The following HSPA1B variants were observed in gnomAD, a reference collection of about 807,000 sequenced individuals.
HSPA1B encodes the protein heat shock 70 kDa protein 1B.
HSPA1B carries 7 observed loss-of-function variants against 9.0 expected under a neutral mutation model. The ratio of observed to expected loss-of-function variants is 0.78; its 90% CI spans 0.44 to 1.46. HSPA1B has a LOEUF of 1.46. Among genes scored for constraint, HSPA1B ranks in the 40% most tolerant of loss-of-function variants. The pLI is 0.01. For missense variants in HSPA1B, 199 were observed against 424.5 expected, an observed-to-expected ratio of 0.47 and a Z score of 4.67; for synonymous variants, 125 against 184.5, an observed-to-expected ratio of 0.68 and a Z score of 2.61.
In HSPA1B at chr6:31,830,088, A is replaced by C; in HGVS notation, c.*212A>C. On this transcript the variant is annotated 3_prime_UTR_variant, in exon 1 of 1. Coordinates refer to ENST00000375650, the MANE Select transcript of HSPA1B (RefSeq NM_005346.6). Reference sequence around the variant, plus strand: ...CTTTGCATTTAATGTTGATACTGTAAGGGTGTTTCGTTCCCTTTAAATGAA... The same window carrying C: ...CTTTGCATTTAATGTTGATACTGTACGGGTGTTTCGTTCCCTTTAAATGAA... 1 of 548,554 alleles carries C rather than the reference A, an allele frequency of 1.8e-6. No individual in the cohort carries two copies. The highest frequency in any genetic ancestry group is 3.2e-6 in the Non-Finnish European group (1 of 314,406). The allele number at this position is 548,554 out of a possible 1,614,324, so 34.0% of individuals were successfully genotyped here. A position where few individuals can be genotyped will look rare whatever the true frequency, so the allele number is the denominator to read the frequency against.
Position 31,829,850 on chromosome 6 carries a change from G to A in HSPA1B, c.1900G>A (p.Gly634Ser), listed in dbSNP as rs558798778. 8.4e-5 allele frequency: 135 copies of A among 1,612,786 alleles called. 1 individual carries two copies. Among genetic ancestry groups the A allele is most frequent in the Non-Finnish European group, 1.1e-4 (131 of 1,179,896 alleles). The change falls in exon 1 of 1, where the codon GGC (glycine) becomes AGC (serine). Residue 634 changes from glycine (G) to serine (S), a missense_variant. This residue lies in a region of HSPA1B where 67 missense variants were observed against 106.4 expected (regional missense o/e 0.63). Coordinates refer to ENST00000375650, the MANE Select transcript of HSPA1B (RefSeq NM_005346.6). The stretch of plus-strand genomic sequence containing the variant: ...GGGTCCCAAGGGAGGGTCTGGGTCA[G>A]GCCCTACCATTGAGGAGGTGGATTA... The part of the protein sequence containing the change: ...AQGPKGGSGS[G>S]PTIEEVD
rs201228591 is a variant in HSPA1B, at chr6:31,828,056, C to T, written c.106C>T (p.Arg36Cys). 2 of 1,607,642 alleles carry T rather than the reference C, an allele frequency of 1.2e-6. No homozygotes were observed. The highest frequency in any genetic ancestry group is 4.5e-5 in the East Asian group (2 of 44,656). Residue 36 changes from arginine to cysteine, a missense_variant, in exon 1 of 1, where the codon CGC becomes TGC. Arg to Cys is a radical substitution (Grantham distance 180). Around this residue, in one of 5 missense-constraint regions of HSPA1B, gnomAD observed 51 missense variants for 70.9 expected, o/e 0.72. Transcript: ENST00000375650. ...GATCATCGCCAACGACCAGGGCAAC[C>T]GCACCACCCCCAGCTACGTGGCCTT... is the stretch of plus-strand genomic sequence containing the variant. ...VEIIANDQGN[R>C]TTPSYVAFTD...
Position 31,827,803 on chromosome 6 carries a change from C to T in HSPA1B, c.-148C>T. On this transcript the variant is annotated 5_prime_UTR_variant, in exon 1 of 1. Coordinates refer to ENST00000375650, the MANE Select transcript of HSPA1B (RefSeq NM_005346.6). Reference sequence around the variant, plus strand: ...TCTTTCGAGAGTGACTCCCGCGGTCCCAAGGCTTTCCAGAGCGAACCTGTG... The same window carrying T: ...TCTTTCGAGAGTGACTCCCGCGGTCTCAAGGCTTTCCAGAGCGAACCTGTG... 2 of 1,527,770 alleles carry T rather than the reference C, an allele frequency of 1.3e-6. No homozygotes were observed. The allele number at this position is 1,527,770 out of a possible 1,614,324, so 94.6% of individuals were successfully genotyped here.
rs9279427 is a variant in HSPA1B at position 31,830,146 on chromosome 6, G to GTTTTTTTTTTTTTTTTTTTT, written c.*275_*294dup. 1.2e-5 allele frequency: 1 copy of GTTTTTTTTTTTTTTTTTTTT among 80,724 alleles called. No individual in the cohort carries two copies. Among genetic ancestry groups the GTTTTTTTTTTTTTTTTTTTT allele is most frequent in the African/African-American group, 6.1e-5 (1 of 16,480 alleles). The allele number at this position is 80,724 out of a possible 1,614,324, so 5.0% of individuals were successfully genotyped here. A position where few individuals can be genotyped will look rare whatever the true frequency, so the allele number is the denominator to read the frequency against. On this transcript the variant is annotated 3_prime_UTR_variant, in exon 1 of 1. Coordinates refer to ENST00000375650, the MANE Select transcript of HSPA1B (RefSeq NM_005346.6). ...TGCCACCTTCTGTACGAGTTTGTTTGTTTTTTTTTTTTTTTTTTTTTTTTG... is the reference window on the plus strand; with the variant it reads ...TGCCACCTTCTGTACGAGTTTGTTTGTTTTTTTTTTTTTTTTTTTTTTTTTTTTTTTTTTTTTTTTTTTTG...
In HSPA1B at chr6:31,829,646, G is replaced by A; in HGVS notation, c.1696G>A (p.Asp566Asn). ...EGLKGKISEA[D>N]KKKVLDKCQE... The stretch of plus-strand genomic sequence containing the variant: ...GCTCAAGGGCAAGATCAGCGAGGCG[G>A]ACAAGAAGAAGGTTCTGGACAAGTG... The change falls in exon 1 of 1, where the codon GAC becomes AAC. Residue 566 changes from aspartate to asparagine, a missense_variant. Coordinates refer to ENST00000375650, the MANE Select transcript of HSPA1B (RefSeq NM_005346.6). 1 of 1,612,574 alleles carries A rather than the reference G, an allele frequency of 6.2e-7. No homozygotes were observed. Among genetic ancestry groups the A allele is most frequent in the Non-Finnish European group, 8.5e-7 (1 of 1,179,856 alleles).
rs371838772 is a variant in HSPA1B at position 31,829,629 on chromosome 6, G to A, written c.1679G>A (p.Gly560Asp). Residue 560 changes from glycine (G) to aspartate (D), a missense_variant, in exon 1 of 1, where the codon GGC becomes GAC. Physicochemically the swap from Gly to Asp is moderately conservative, Grantham distance 94. Transcript: ENST00000375650. Reference sequence around the variant, plus strand: ...GCCGTGGAGGATGAGGGGCTCAAGGGCAAGATCAGCGAGGCGGACAAGAAG... The same window carrying A: ...GCCGTGGAGGATGAGGGGCTCAAGGACAAGATCAGCGAGGCGGACAAGAAG... The part of the protein sequence containing the change: ...KSAVEDEGLK[G>D]KISEADKKKV... The A allele has an allele frequency of 5.0e-6, 8 of 1,611,990 alleles. No homozygotes were observed. The African/African-American group carries it at 6.7e-5, about 13-fold the overall frequency.
In HSPA1B at chr6:31,827,842, C is replaced by G. The variant is rs11576012; in HGVS notation, c.-109C>G. On this transcript the variant is annotated 5_prime_UTR_variant, in exon 1 of 1. Transcript: ENST00000375650. Reference sequence around the variant, plus strand: ...AGCGAACCTGTGCGGCTGCAGGCACCGGCGTGTTGAGTTTCCGGCGTTCCG... The same window carrying G: ...AGCGAACCTGTGCGGCTGCAGGCACGGGCGTGTTGAGTTTCCGGCGTTCCG... The G allele has an allele frequency of 3.7e-6, 6 of 1,600,858 alleles. No individual in the cohort carries two copies. Among genetic ancestry groups the G allele is most frequent in the African/African-American group, 1.3e-5 (1 of 74,526 alleles).
In HSPA1B at chr6:31,827,778, T is replaced by C. The variant is rs1816775496; in HGVS notation, c.-173T>C. The C allele has an allele frequency of 7.1e-7, 1 of 1,413,062 alleles. No individual in the cohort carries two copies. Among genetic ancestry groups the C allele is most frequent in the Non-Finnish European group, 9.7e-7 (1 of 1,027,170 alleles). The allele number at this position is 1,413,062 out of a possible 1,614,324, so 87.5% of individuals were successfully genotyped here. A position where few individuals can be genotyped will look rare whatever the true frequency, so the allele number is the denominator to read the frequency against. On this transcript the variant is annotated 5_prime_UTR_variant, in exon 1 of 1. Transcript: ENST00000375650. ...GGAGCTGCTGCGAGGGTCCGCTTCG[T>C]CTTTCGAGAGTGACTCCCGCGGTCC...
rs41270537 is a variant in HSPA1B, at chr6:31,830,155, T to G, written c.*279T>G. ...CTGTACGAGTTTGTTTGTTTTTTTT[T>G]TTTTTTTTTTTTTTTGCTTGGCGAA... On this transcript the variant is annotated 3_prime_UTR_variant, in exon 1 of 1. Transcript: ENST00000375650. The G allele has an allele frequency of 2.1e-4, 74 of 351,876 alleles. No individual in the cohort carries two copies. Among genetic ancestry groups the G allele is most frequent in the South Asian group, 3.9e-4 (5 of 12,796 alleles). The allele number at this position is 351,876 out of a possible 1,614,324, so 21.8% of individuals were successfully genotyped here.
In HSPA1B at chr6:31,829,763, C is replaced by A; in HGVS notation, c.1813C>A (p.Pro605Thr). 7 of 1,612,426 alleles carry A rather than the reference C, an allele frequency of 4.3e-6. No homozygotes were observed. Among genetic ancestry groups the A allele is most frequent in the Non-Finnish European group, 5.9e-6 (7 of 1,179,902 alleles). ...KRKELEQVCN[P>T]IISGLYQGAG... Reference sequence around the variant, plus strand: ...GAAGGAGCTGGAGCAGGTGTGTAACCCCATCATCAGCGGACTGTACCAGGG... The same window carrying A: ...GAAGGAGCTGGAGCAGGTGTGTAACACCATCATCAGCGGACTGTACCAGGG... Residue 605 changes from proline to threonine, a missense_variant, in exon 1 of 1, where the codon CCC becomes ACC. Physicochemically the swap from Pro to Thr is conservative, Grantham distance 38. Transcript: ENST00000375650.
In HSPA1B at chr6:31,830,103, C is replaced by G; in HGVS notation, c.*227C>G. ...TGATACTGTAAGGGTGTTTCGTTCC[C>G]TTTAAATGAATCAACACTGCCACCT... is the stretch of plus-strand genomic sequence containing the variant. On this transcript the variant is annotated 3_prime_UTR_variant, in exon 1 of 1. Transcript: ENST00000375650. The G allele has an allele frequency of 2.0e-6, 1 of 489,750 alleles. No homozygotes were observed. Among genetic ancestry groups the G allele is most frequent in the South Asian group, 3.2e-5 (1 of 31,474 alleles). 30.3% of individuals were successfully genotyped at this position (489,750 alleles called of 1,614,324 possible). A position where few individuals can be genotyped will look rare whatever the true frequency, so the allele number is the denominator to read the frequency against.
At position 31,829,834 on chromosome 6, in the gene HSPA1B, G is replaced by A; in HGVS notation, c.1884G>A (p.Lys628=). 2.5e-6 allele frequency: 4 copies of A among 1,612,510 alleles called. No individual in the cohort carries two copies. Among genetic ancestry groups the A allele is most frequent in the East Asian group, 2.2e-5 (1 of 44,878 alleles). ...GPGGFGAQGP[K]GGSGSGPTIE... The stretch of plus-strand genomic sequence containing the variant: ...GCGGCTTCGGGGCTCAGGGTCCCAA[G>A]GGAGGGTCTGGGTCAGGCCCTACCA... Residue 628 remains lysine (K), a synonymous_variant, in exon 1 of 1, where the codon AAG becomes AAA. Transcript: ENST00000375650.
chr6:31,830,025 A>G lies in HSPA1B; in HGVS notation c.*149A>G, dbSNP rs1816923909. 9 of 994,248 alleles carry G rather than the reference A, an allele frequency of 9.1e-6. No homozygotes were observed. Among genetic ancestry groups the G allele is most frequent in the Non-Finnish European group, 1.2e-5 (8 of 669,628 alleles). The allele number at this position is 994,248 out of a possible 1,614,324, so 61.6% of individuals were successfully genotyped here. ...AACCTGATGGTAATTAGCTGGCTTC[A>G]TTATTTTTGTAGTACAACCGATATG... is the stretch of plus-strand genomic sequence containing the variant. On this transcript the variant is annotated 3_prime_UTR_variant, in exon 1 of 1. Coordinates refer to ENST00000375650, the MANE Select transcript of HSPA1B (RefSeq NM_005346.6).
chr6:31,829,794 G>C lies in HSPA1B; in HGVS notation c.1844G>C (p.Gly615Ala). ...ATCAGCGGACTGTACCAGGGTGCCG[G>C]TGGTCCCGGGCCTGGCGGCTTCGGG... ...PIISGLYQGA[G>A]GPGPGGFGAQ... The change falls in exon 1 of 1, where the codon GGT (glycine) becomes GCT (alanine). Residue 615 changes from glycine to alanine, a missense_variant. This residue lies in a region of HSPA1B where 67 missense variants were observed against 106.4 expected (regional missense o/e 0.63). Transcript: ENST00000375650. The C allele has an allele frequency of 6.2e-7, 1 of 1,611,398 alleles. No homozygotes were observed. The highest frequency in any genetic ancestry group is 8.5e-7 in the Non-Finnish European group (1 of 1,179,196).
Position 31,829,667 on chromosome 6 carries a change from A to G in HSPA1B, c.1717A>G (p.Lys573Glu). Residue 573 changes from lysine to glutamate, a missense_variant, in exon 1 of 1, where the codon AAG becomes GAG. Transcript: ENST00000375650. ...SEADKKKVLDKCQEVISWLDA... is the reference protein window; with the variant it reads ...SEADKKKVLDECQEVISWLDA... The stretch of plus-strand genomic sequence containing the variant: ...GGCGGACAAGAAGAAGGTTCTGGAC[A>G]AGTGTCAAGAGGTCATCTCGTGGCT... The G allele has an allele frequency of 6.2e-7, 1 of 1,612,768 alleles. No homozygotes were observed.
chr6:31,828,384 C>T lies in HSPA1B; in HGVS notation c.434C>T (p.Thr145Ile). Residue 145 changes from threonine (T) to isoleucine (I), a missense_variant, in exon 1 of 1, where the codon ACC becomes ATC. Around this residue, in one of 5 missense-constraint regions of HSPA1B, gnomAD observed 49 missense variants for 40.0 expected, o/e 1.23. Coordinates refer to ENST00000375650, the MANE Select transcript of HSPA1B (RefSeq NM_005346.6). ...TACCCGGTGACCAACGCGGTGATCACCGTGCCGGCCTACTTCAACGACTCG... is the reference window on the plus strand; with the variant it reads ...TACCCGGTGACCAACGCGGTGATCATCGTGCCGGCCTACTTCAACGACTCG... ...LGYPVTNAVI[T>I]VPAYFNDSQR... is the part of the protein sequence containing the mutation. 3 of 406,752 alleles carry T rather than the reference C, an allele frequency of 7.4e-6. No homozygotes were observed. Among genetic ancestry groups the T allele is most frequent in the Non-Finnish European group, 1.2e-5 (3 of 242,240 alleles). 25.2% of individuals were successfully genotyped at this position (406,752 alleles called of 1,614,324 possible).
Position 31,827,834 on chromosome 6 carries a change from G to A in HSPA1B, c.-117G>A. ...CTTTCCAGAGCGAACCTGTGCGGCT[G>A]CAGGCACCGGCGTGTTGAGTTTCCG... is the stretch of plus-strand genomic sequence containing the variant. On this transcript the variant is annotated 5_prime_UTR_variant, in exon 1 of 1. Coordinates refer to ENST00000375650, the MANE Select transcript of HSPA1B (RefSeq NM_005346.6). 1 of 1,592,108 alleles carries A rather than the reference G, an allele frequency of 6.3e-7. No homozygotes were observed. The highest frequency in any genetic ancestry group is 8.6e-7 in the Non-Finnish European group (1 of 1,167,914).
Position 31,827,874 on chromosome 6 carries a change from T to G in HSPA1B, c.-77T>G, listed in dbSNP as rs2607018. The G allele has an allele frequency of 2.5e-6, 4 of 1,612,548 alleles. No homozygotes were observed. The highest frequency in any genetic ancestry group is 2.2e-5 in the East Asian group (1 of 44,876). On this transcript the variant is annotated 5_prime_UTR_variant, in exon 1 of 1. Transcript: ENST00000375650. ...TTGAGTTTCCGGCGTTCCGAAGGAC[T>G]GAGCTCTTGTCGCGGATCCCGTCCG... is the stretch of plus-strand genomic sequence containing the variant.
chr6:31,827,786 G>A lies in HSPA1B; in HGVS notation c.-165G>A, dbSNP rs543835198. The A allele has an allele frequency of 2.8e-6, 4 of 1,447,798 alleles. No individual in the cohort carries two copies. The highest frequency in any genetic ancestry group is 3.9e-5 in the Admixed American group (2 of 51,060). 89.7% of individuals were successfully genotyped at this position (1,447,798 alleles called of 1,614,324 possible). ...TGCGAGGGTCCGCTTCGTCTTTCGA[G>A]AGTGACTCCCGCGGTCCCAAGGCTT... is the stretch of plus-strand genomic sequence containing the variant. On this transcript the variant is annotated 5_prime_UTR_variant, in exon 1 of 1. Coordinates refer to ENST00000375650, the MANE Select transcript of HSPA1B (RefSeq NM_005346.6).
Sources: allele counts gnomAD v4.1 joint callset, GRCh38; gene constraint gnomAD v4.1.1; regional missense constraint gnomAD v4.1.1; transcripts MANE v1.5; gene names NCBI Gene and HGNC (gene_info 2026-07-23, HGNC 2026-07-21).